The following GULP1 variants were observed in gnomAD, a reference collection of about 807,000 sequenced individuals.
GULP1 encodes the protein PTB domain-containing engulfment adapter protein 1.
GULP1 carries 19 observed loss-of-function variants against 40.9 expected under a neutral mutation model. The ratio of observed to expected loss-of-function variants is 0.46; its 90% CI spans 0.32 to 0.68. The LOEUF is 0.68. Among genes scored for constraint, GULP1 ranks in the 30% least tolerant of loss-of-function variants. GULP1 has a pLI of 0.03. For missense variants in GULP1, 312 were observed against 362.2 expected, an observed-to-expected ratio of 0.86 and a Z score of 1.12; for synonymous variants, 119 against 117.6, an observed-to-expected ratio of 1.01 and a Z score of -0.08.
intron 4 of GULP1, among the ~76,000 whole-genome samples, chr2:188,490,739 A>C (rs1424771091): frequency 6.6e-6 from 1 of 152,104 alleles, no homozygotes; most frequent in African/African-American, 2.4e-5. Flanking sequence ...ACATTTTCTG[A>C]AAGTTGAACA....
intron 2 of GULP1, among the ~76,000 whole-genome samples, chr2:188,397,846 A>G (rs1265572045): frequency 6.6e-6 from 1 of 152,218 alleles, no homozygotes; most frequent in Non-Finnish European, 1.5e-5. Flanking sequence ...AATCCAAAGA[A>G]GAAAAAGTGA....
At chr2:188,358,442 G>A (rs1358739748) in intron 1 of GULP1, among the ~76,000 whole-genome samples, 2 of 152,032 alleles carry the variant, frequency 1.3e-5, no homozygotes, top group Admixed American at 1.3e-4. Context: ...GGTGAATATA[G>A]CTAACAACAA....
chr2:188,311,420 G>A (rs2106354453), intron 1 of GULP1, among the ~76,000 whole-genome samples: 1 of 152,148 alleles, frequency 6.6e-6, no homozygotes, highest in Non-Finnish European at 1.5e-5. Context: ...TGGTCTGTAT[G>A]TCTTGACCTT....
intron 9 of GULP1, among the ~76,000 whole-genome samples, chr2:188,575,755 A>AT (rs5837096): frequency 4.6e-4 from 70 of 151,904 alleles, no homozygotes; most frequent in Non-Finnish European, 5.3e-4. Context: ...AAGGATTGGT[A>AT]TTTTTTTTTA....
intron 1 of GULP1, among the ~76,000 whole-genome samples, chr2:188,325,558 T>A (rs1350107942): frequency 6.6e-6 from 1 of 152,126 alleles, no homozygotes; most frequent in South Asian, 2.1e-4. Context: ...TTTTTCATTA[T>A]TAGTAATTAT....
intron 3 of GULP1, among the ~76,000 whole-genome samples, chr2:188,483,058 G>C (rs960945315): frequency 1.3e-5 from 2 of 151,684 alleles, no homozygotes; most frequent in African/African-American, 4.8e-5. Context: ...ATTGTTCTAG[G>C]AATTAAGAAA....
At chr2:188,321,881 G>T (rs1309324107) in intron 1 of GULP1, among the ~76,000 whole-genome samples, 1 of 152,038 alleles carries the variant, frequency 6.6e-6, no homozygotes. Context: ...CGGGTGTGGT[G>T]GCAGATGCCT....
At chr2:188,411,747 G>T (rs975679653) in intron 2 of GULP1, among the ~76,000 whole-genome samples, 39 of 152,306 alleles carry the variant, frequency 2.6e-4, no homozygotes, top group African/African-American at 9.1e-4. Context: ...TACAGCCCAT[G>T]AATCAGTATA....
intron 1 of GULP1, among the ~76,000 whole-genome samples, chr2:188,294,552 G>T (rs1281200443): frequency 6.6e-6 from 1 of 151,736 alleles, no homozygotes; most frequent in Non-Finnish European, 1.5e-5. Flanking sequence ...GAGGTGGGTT[G>T]TAGGTTTACT....
intron 2 of GULP1, among the ~76,000 whole-genome samples, chr2:188,461,397 T>C (rs527717738): frequency 6.7e-6 from 1 of 150,132 alleles, no homozygotes; most frequent in South Asian, 2.1e-4. Flanking sequence ...CTCAGCTCAC[T>C]GCAACCTCCG....
intron 1 of GULP1, among the ~76,000 whole-genome samples, chr2:188,332,191 CTTTTTTTTTT>C (rs11431434): frequency 7.9e-6 from 1 of 126,682 alleles, no homozygotes; most frequent in East Asian, 2.3e-4. Flanking sequence ...TTTCTTTATT[CTTTTTTTTTT>C]TTTTTTTTGA....
intron 11 of GULP1, chr2:188,593,484 G>T (rs966170987): frequency 6.6e-6 from 1 of 152,162 alleles, no homozygotes; most frequent in Non-Finnish European, 1.5e-5. Context: ...GCATTTAAAA[G>T]AAGTATTTTA....
chr2:188,487,725 T>C (rs1164506028), intron 4 of GULP1, among the ~76,000 whole-genome samples: 2 of 151,942 alleles, frequency 1.3e-5, no homozygotes, highest in Non-Finnish European at 2.9e-5. Context: ...CAAAATAAAA[T>C]ACAAATGTCA....
intron 1 of GULP1, among the ~76,000 whole-genome samples, chr2:188,349,949 C>G (rs1350761357): frequency 2.0e-5 from 3 of 152,040 alleles, no homozygotes; most frequent in Non-Finnish European, 4.4e-5. Context: ...GTGCCAGCAC[C>G]ATTTGTTTAA....
chr2:188,332,191 C>CTTTTTTTTTTTTT (rs11431434), intron 1 of GULP1, among the ~76,000 whole-genome samples: 4 of 126,672 alleles, frequency 3.2e-5, no homozygotes, highest in East Asian at 2.3e-4. Context: ...TTTCTTTATT[C>CTTTTTTTTTTTTT]TTTTTTTTTT....
chr2:188,495,330 C>G (rs1298277442), intron 4 of GULP1, among the ~76,000 whole-genome samples: 5 of 152,036 alleles, frequency 3.3e-5, no homozygotes, highest in Non-Finnish European at 7.4e-5. Context: ...GGCCCCAACC[C>G]CATCACCCTA....
intron 1 of GULP1, among the ~76,000 whole-genome samples, chr2:188,313,956 G>C (rs1229511334): frequency 1.3e-5 from 2 of 150,790 alleles, no homozygotes; most frequent in Non-Finnish European, 3.0e-5. Context: ...CCTAACTAAG[G>C]CTTTTAAATT....
At chr2:188,559,354 A>G (rs1266532955) in intron 7 of GULP1, among the ~76,000 whole-genome samples, 1 of 152,222 alleles carries the variant, frequency 6.6e-6, no homozygotes, top group East Asian at 1.9e-4. Context: ...ACAGAAGTCA[A>G]TAATTGGGGT....
At chr2:188,527,395 G>C (rs988697397) in intron 5 of GULP1, among the ~76,000 whole-genome samples, 3 of 152,044 alleles carry the variant, frequency 2.0e-5, no homozygotes, top group African/African-American at 4.8e-5. Flanking sequence ...ATTCACATAG[G>C]GGGAGAGCAG....
Sources: gnomAD v4.1 joint callset for allele counts (sites outside exome capture counted in the v4.1 genomes callset) on GRCh38, gnomAD v4.1.1 for gene constraint, MANE v1.5 for transcripts, NCBI Gene and HGNC (gene_info 2026-07-23, HGNC 2026-07-21) for gene names.